IFT56: variants seen among roughly 807,000 people sequenced by gnomAD.
The protein encoded by IFT56 is intraflagellar transport protein 56.
chr7:139,167,722 T>A, the IFT56 span, among the ~76,000 whole-genome samples: 1 of 152,058 alleles, frequency 6.6e-6, no homozygotes, highest in African/African-American at 2.4e-5. Context: ...GTGGATCACC[T>A]GAGGTCCAGA....
At chr7:139,186,672 A>C in the IFT56 span, among the ~76,000 whole-genome samples, 1 of 152,300 alleles carries the variant, frequency 6.6e-6, no homozygotes, top group Non-Finnish European at 1.5e-5. Flanking sequence ...AACATGATCA[A>C]ATTAGCATAA....
the IFT56 span, chr7:139,187,298 AC>A: frequency 7.8e-5 from 100 of 1,281,566 alleles, no homozygotes; most frequent in Non-Finnish European, 1.0e-4. Flanking sequence ...TGTTGTCAGC[AC>A]CCATGCACTT....
chr7:139,135,546 G>A, the IFT56 span, among the ~76,000 whole-genome samples: 1 of 152,192 alleles, frequency 6.6e-6, no homozygotes, highest in East Asian at 1.9e-4. Flanking sequence ...CATGGCAGTA[G>A]TTCTCACCTT....
the IFT56 span, chr7:139,168,480 C>A: frequency 1.1e-6 from 1 of 941,842 alleles, no homozygotes; most frequent in Non-Finnish European, 1.7e-6. Flanking sequence ...AAAGTGCAAG[C>A]AGCAATAGGC....
At chr7:139,165,155 G>T in the IFT56 span, 3 of 1,613,350 alleles carry the variant, frequency 1.9e-6, no homozygotes, top group Non-Finnish European at 2.5e-6. Context: ...GAGGTGAAGG[G>T]GCTTTGCAGG....
the IFT56 span, chr7:139,174,297 G>A: frequency 1.8e-6 from 1 of 563,616 alleles, no homozygotes; most frequent in Non-Finnish European, 3.6e-6. Context: ...TCCCACGGGA[G>A]CCCACCTGGT....
chr7:139,134,050 C>T, the IFT56 span, among the ~76,000 whole-genome samples: 1 of 152,102 alleles, frequency 6.6e-6, no homozygotes, highest in Non-Finnish European at 1.5e-5. Flanking sequence ...CCTGCTTTTC[C>T]GTTTACTCAC....
chr7:139,165,528 AC>A, the IFT56 span, among the ~76,000 whole-genome samples: 1 of 149,316 alleles, frequency 6.7e-6, no homozygotes, highest in Non-Finnish European at 1.5e-5. Flanking sequence ...CCCTTCCCTT[AC>A]AGTTCTTTTT....
At chr7:139,186,376 T>C in the IFT56 span, among the ~76,000 whole-genome samples, 3 of 151,384 alleles carry the variant, frequency 2.0e-5, no homozygotes, top group African/African-American at 7.3e-5. Flanking sequence ...CAGTGAGTCA[T>C]GTTGGCACCA....
chr7:139,135,353 A>G, the IFT56 span, among the ~76,000 whole-genome samples: 4 of 152,022 alleles, frequency 2.6e-5, no homozygotes, highest in Admixed American at 6.6e-5. Flanking sequence ...GTTCACCAAC[A>G]GTGATTACAA....
At chr7:139,173,931 T>A in the IFT56 span, 2 of 693,778 alleles carry the variant, frequency 2.9e-6, no homozygotes, top group Non-Finnish European at 5.4e-6. Context: ...TTCTTCAATA[T>A]CACTTTCTTC....
the IFT56 span, among the ~76,000 whole-genome samples, chr7:139,179,050 T>C: frequency 6.6e-6 from 1 of 152,234 alleles, no homozygotes. Flanking sequence ...ATGTTTCTTA[T>C]TTGATTTCTA....
chr7:139,146,493 C>T, the IFT56 span, among the ~76,000 whole-genome samples: 1 of 152,122 alleles, frequency 6.6e-6, no homozygotes, highest in Non-Finnish European at 1.5e-5. Flanking sequence ...ATTGGCTGGG[C>T]ACAGTGGTTC....
the IFT56 span, among the ~76,000 whole-genome samples, chr7:139,172,357 A>G: frequency 6.6e-6 from 1 of 152,186 alleles, no homozygotes; most frequent in South Asian, 2.1e-4. Flanking sequence ...GAATAACTAC[A>G]GTATGTGGGC....
At chr7:139,134,885 G>A in the IFT56 span, 2 of 1,352,200 alleles carry the variant, frequency 1.5e-6, no homozygotes, top group Non-Finnish European at 2.0e-6. Context: ...CTTGAAATAG[G>A]TGGGTGCATT....
the IFT56 span, among the ~76,000 whole-genome samples, chr7:139,179,040 A>G: frequency 1.3e-5 from 2 of 152,238 alleles, no homozygotes; most frequent in Admixed American, 6.5e-5. Context: ...GACTATCAGT[A>G]TGTTTCTTAT....
the IFT56 span, among the ~76,000 whole-genome samples, chr7:139,149,087 C>T: frequency 1.3e-5 from 2 of 151,990 alleles, no homozygotes; most frequent in African/African-American, 4.8e-5. Flanking sequence ...AGGCGGATCA[C>T]AAGGTCAGGA....
the IFT56 span, among the ~76,000 whole-genome samples, chr7:139,185,549 A>T: frequency 6.6e-6 from 1 of 152,074 alleles, no homozygotes; most frequent in Non-Finnish European, 1.5e-5. Context: ...TATTTACAGT[A>T]TTCGTTCATA....
the IFT56 span, among the ~76,000 whole-genome samples, chr7:139,180,530 C>A: frequency 6.6e-6 from 1 of 151,944 alleles, no homozygotes; most frequent in African/African-American, 2.4e-5. Flanking sequence ...GCCAACATGG[C>A]AAAACCTCAG....
Sources: gnomAD v4.1 joint callset for allele counts (sites outside exome capture counted in the v4.1 genomes callset) on GRCh38, gnomAD v4.1.1 for gene constraint, MANE v1.5 for transcripts, NCBI Gene and HGNC (gene_info 2026-07-23, HGNC 2026-07-21) for gene names.